The following PAPOLA variants were observed in gnomAD, a reference collection of about 807,000 sequenced individuals.
The protein encoded by PAPOLA is polynucleotide adenylyltransferase alpha.
PAPOLA carries 15 observed loss-of-function variants against 100.6 expected under a neutral mutation model. The ratio of observed to expected loss-of-function variants is 0.15; its 90% CI spans 0.10 to 0.23. The LOEUF (loss-of-function observed/expected upper bound fraction) is 0.23, where lower values mean the gene tolerates loss of function less well. Ranked by LOEUF, PAPOLA falls within the 10% of genes least tolerant of loss-of-function variation. The probability of loss-of-function intolerance (pLI) is 1.00; values close to 1 mark genes in which losing one functional copy is unlikely to be tolerated. For missense variants in PAPOLA, 533 were observed against 884.2 expected, an observed-to-expected ratio of 0.60 and a Z score of 5.04; for synonymous variants, 293 against 300.0, an observed-to-expected ratio of 0.98 and a Z score of 0.24.
intron 12 of PAPOLA, 132 bp downstream of exon 12, chr14:96,537,192 T>G: frequency 1.6e-6 from 1 of 625,250 alleles, no homozygotes; most frequent in Non-Finnish European, 2.9e-6. Flanking sequence ...GGACATACTG[T>G]TTTAGTGAAC....
chr14:96,538,834 T>C (rs1274298184), intron 12 of PAPOLA, among the ~76,000 whole-genome samples: 1 of 152,062 alleles, frequency 6.6e-6, no homozygotes, highest in African/African-American at 2.4e-5. Context: ...TGGAAATGTT[T>C]AGTCTTCCCA....
intron 13 of PAPOLA, 90 bp from the exon 14 acceptor site, chr14:96,542,684 G>A: frequency 9.1e-6 from 11 of 1,203,492 alleles, no homozygotes; most frequent in Non-Finnish European, 1.3e-5. Context: ...TGGGAGTTCA[G>A]CTAGTTGAAA....
At chr14:96,511,632 C>G (rs1041054955) in intron 1 of PAPOLA, among the ~76,000 whole-genome samples, 1 of 152,076 alleles carries the variant, frequency 6.6e-6, no homozygotes, top group East Asian at 1.9e-4. Context: ...GATCTGAATC[C>G]CAGACTAAAT....
intron 1 of PAPOLA, among the ~76,000 whole-genome samples, chr14:96,514,340 A>T (rs1897298030): frequency 6.9e-6 from 1 of 145,654 alleles, no homozygotes. Flanking sequence ...CGCCCGGCTA[A>T]TTTTTTTTTT....
intron 15 of PAPOLA, among the ~76,000 whole-genome samples, chr14:96,544,843 T>C (rs1484431337): frequency 6.6e-6 from 1 of 152,084 alleles, no homozygotes; most frequent in Non-Finnish European, 1.5e-5. Context: ...ATTTTCCGAC[T>C]ATGGGGATTC....
chr14:96,514,945 G>A (rs911488885), intron 1 of PAPOLA, among the ~76,000 whole-genome samples: 53 of 152,244 alleles, frequency 3.5e-4, no homozygotes, highest in African/African-American at 1.2e-3. Flanking sequence ...GATTGTTTTT[G>A]AGTTGAGACC....
At chr14:96,542,126 C>T in intron 12 of PAPOLA, 117 bp from the exon 13 acceptor site, 2 of 558,574 alleles carry the variant, frequency 3.6e-6, no homozygotes, top group Non-Finnish European at 3.2e-6. Context: ...AGATTGTAGT[C>T]CCCCTTGCTA....
At chr14:96,527,136 T>TAG in intron 4 of PAPOLA, 1 of 356,866 alleles carries the variant, frequency 2.8e-6, no homozygotes, top group South Asian at 4.4e-5. Flanking sequence ...ATGTTGGGTG[T>TAG]ATGTTTGAAT....
At chr14:96,528,746 C>T (rs1425162296) in intron 6 of PAPOLA, among the ~76,000 whole-genome samples, 2 of 152,198 alleles carry the variant, frequency 1.3e-5, no homozygotes, top group African/African-American at 2.4e-5. Context: ...AGATAATTCA[C>T]TGTTGTACTA....
At chr14:96,520,342 A>C (rs577177806) in intron 2 of PAPOLA, 114 bp downstream of exon 2, 1 of 764,806 alleles carries the variant, frequency 1.3e-6, no homozygotes, top group Admixed American at 2.9e-5. Flanking sequence ...GCCCAGATCT[A>C]TATATCTGTT....
intron 1 of PAPOLA, among the ~76,000 whole-genome samples, chr14:96,512,744 C>A (rs1897187977): frequency 6.6e-6 from 1 of 152,164 alleles, no homozygotes; most frequent in Admixed American, 6.5e-5. Flanking sequence ...TTAACAAGTT[C>A]TTTACTGATG....
At chr14:96,533,292 G>A in intron 9 of PAPOLA, 1 of 984,704 alleles carries the variant, frequency 1.0e-6, no homozygotes, top group East Asian at 1.1e-4. Flanking sequence ...AGGGTTCTTG[G>A]TTTTTAATCA....
At chr14:96,549,970 C>A (rs1409350782) in intron 16 of PAPOLA, among the ~76,000 whole-genome samples, 1 of 152,120 alleles carries the variant, frequency 6.6e-6, no homozygotes, top group Non-Finnish European at 1.5e-5. Context: ...CTGGGCAACA[C>A]AGCAAGACTC....
chr14:96,552,636 G>A lies in PAPOLA; in HGVS notation c.1664+14G>A. ...CAGCTCTCAGGGGTAAGGAAAAAGA[G>A]GGAAATAGAAGTGGAGGGGCTGTTT... On this transcript the variant is annotated intron_variant, in intron 17 of 21. Transcript: ENST00000216277. 1 of 1,608,304 alleles carries A rather than the reference G, an allele frequency of 6.2e-7. No homozygotes were observed.
intron 19 of PAPOLA, among the ~76,000 whole-genome samples, chr14:96,558,156 TG>T (rs199916124): frequency 1.1e-3 from 162 of 147,124 alleles, no homozygotes; most frequent in African/African-American, 3.0e-3. Flanking sequence ...GGGTTTTTTT[TG>T]TTGTTGTTGT....
At chr14:96,519,271 C>T (rs781002325) in intron 1 of PAPOLA, among the ~76,000 whole-genome samples, 2 of 151,902 alleles carry the variant, frequency 1.3e-5, no homozygotes, top group South Asian at 2.1e-4. Context: ...GAGAAATAAC[C>T]GATCCAGATT....
rs557970991 is a variant in PAPOLA, at chr14:96,558,674, T to C, written c.2005-1975T>C. ...TTATAATTAACTCTCAGCCAATCTT[T>C]GTAATCTTAATTCTTTCAGCCTTTT... On this transcript the variant is annotated intron_variant, in intron 19 of 21. Coordinates refer to ENST00000216277, the MANE Select transcript of PAPOLA (RefSeq NM_032632.5). Among the ~76,000 whole-genome samples the C allele has an allele frequency of 5.9e-5, 9 of 152,300 alleles. No individual in the cohort carries two copies. In the South Asian group the frequency reaches 1.9e-3, roughly 32 times the overall value.
Position 96,535,724 on chromosome 14 carries a change from A to G in PAPOLA, c.910-155A>G. Reference sequence around the variant, plus strand: ...CTTTGATTCTATAAAAAATTCCTATAAAAACAATGTCTCTCTACATGGTTT... The same window carrying G: ...CTTTGATTCTATAAAAAATTCCTATGAAAACAATGTCTCTCTACATGGTTT... On this transcript the variant is annotated intron_variant, in intron 10 of 21. Coordinates refer to ENST00000216277, the MANE Select transcript of PAPOLA (RefSeq NM_032632.5). 3.7e-6 allele frequency: 3 copies of G among 802,576 alleles called. No homozygotes were observed. The African/African-American group carries it at 5.4e-5, about 14-fold the overall frequency. 49.7% of individuals were successfully genotyped at this position (802,576 alleles called of 1,614,324 possible). A position where few individuals can be genotyped will look rare whatever the true frequency, so the allele number is the denominator to read the frequency against.
At chr14:96,553,411 T>C (rs768081795) in intron 17 of PAPOLA, 88 of 151,988 alleles carry the variant, frequency 5.8e-4, no homozygotes, top group Non-Finnish European at 9.4e-4. Flanking sequence ...CTCAGGAGGC[T>C]GAGGTGGGAG....
Sources: allele counts gnomAD v4.1 joint callset (sites outside exome capture counted in the v4.1 genomes callset), GRCh38; gene constraint gnomAD v4.1.1; transcripts MANE v1.5; gene names NCBI Gene and HGNC (gene_info 2026-07-23, HGNC 2026-07-21).